Variants in PDZD2 observed in about 807,000 individuals in gnomAD.
PDZD2 encodes the protein PDZ domain containing 2, also known as PDZ domain-containing protein 2.
A neutral mutation model predicts 220.7 loss-of-function variants in PDZD2; 90 were observed. The ratio of observed to expected loss-of-function variants is 0.41; its 90% confidence interval spans 0.34 to 0.49. The LOEUF (loss-of-function observed/expected upper bound fraction) is 0.49, where lower values mean the gene tolerates loss of function less well. Ranked by LOEUF, PDZD2 falls within the 20% of genes least tolerant of loss-of-function variation. The pLI is 0.28. For synonymous variants in PDZD2, 1,375 were observed against 1,450.5 expected (o/e 0.95, Z 1.18); for missense variants, 3,174 against 3,608.5 (o/e 0.88, Z 3.08).
chr5:31,947,542 A>G (rs896953222), intron 2 of PDZD2, among the ~76,000 whole-genome samples: 1 of 152,238 alleles, frequency 6.6e-6, no homozygotes, highest in African/African-American at 2.4e-5. Context: ...ATGAAAATCA[A>G]ATGAAACATA....
At chr5:31,913,073 G>A (rs1743346880) in intron 2 of PDZD2, among the ~76,000 whole-genome samples, 1 of 152,182 alleles carries the variant, frequency 6.6e-6, no homozygotes, top group African/African-American at 2.4e-5. Flanking sequence ...CTGTTGATTA[G>A]AAGAATAGTA....
intron 2 of PDZD2, chr5:31,847,612 A>G (rs62360842): frequency 0.093 from 59,441 of 641,670 alleles, 3,194 homozygotes; most frequent in Middle Eastern, 0.12. Context: ...TGGCATGGGC[A>G]AGATCTAGGA....
intron 2 of PDZD2, among the ~76,000 whole-genome samples, chr5:31,972,192 C>T (rs1057502102): frequency 6.6e-6 from 1 of 152,330 alleles, no homozygotes; most frequent in East Asian, 1.9e-4. Context: ...TGGTTCACTA[C>T]AGCCTCTGCC....
intron 2 of PDZD2, among the ~76,000 whole-genome samples, chr5:31,956,648 A>G (rs1747726323): frequency 6.7e-6 from 1 of 149,636 alleles, no homozygotes; most frequent in Admixed American, 6.7e-5. Flanking sequence ...AGTCACAGCT[A>G]TTCGGGAGGC....
Position 32,088,771 on chromosome 5 carries a change from C to G in PDZD2, c.5323C>G (p.Leu1775Val), listed in dbSNP as rs948821631. The change falls in exon 20 of 25, where the codon CTC becomes GTC. Residue 1775 changes from leucine (L) to valine (V), a missense_variant. Physicochemically the swap from Leu to Val is conservative, Grantham distance 32. Around this residue, in one of 4 missense-constraint regions of PDZD2, gnomAD observed 1,861 missense variants for 2,001.0 expected, o/e 0.93. Transcript: ENST00000438447. The surrounding 1 kb of genome is among the most constrained non-coding windows in gnomAD (Gnocchi z 4.6). ...GAATGGAGAATCTGTTTTGGAAAAC[C>G]TCCACATCTCTGAAAGTCAAGACCT... ...PKNGESVLEN[L>V]HISESQDLDD... 2 of 1,613,944 alleles carry G rather than the reference C, an allele frequency of 1.2e-6. No individual in the cohort carries two copies. Among genetic ancestry groups the G allele is most frequent in the Non-Finnish European group, 1.7e-6 (2 of 1,179,896 alleles).
chr5:31,836,892 C>T (rs1039086898), intron 2 of PDZD2, among the ~76,000 whole-genome samples: 1 of 151,830 alleles, frequency 6.6e-6, no homozygotes, highest in Non-Finnish European at 1.5e-5. Context: ...ATGGTGGGTG[C>T]CTGTAATCCC....
chr5:31,685,483 T>C (rs1746817830), intron 1 of PDZD2, among the ~76,000 whole-genome samples: 1 of 152,210 alleles, frequency 6.6e-6, no homozygotes, highest in South Asian at 2.1e-4. Context: ...CAGCCCATGC[T>C]GCCTCGTCCG....
chr5:31,776,061 T>C (rs1248624739), intron 1 of PDZD2, among the ~76,000 whole-genome samples: 1 of 152,134 alleles, frequency 6.6e-6, no homozygotes, highest in Non-Finnish European at 1.5e-5. Flanking sequence ...AGAAGTCTGG[T>C]TTGGAGTCCT....
chr5:31,872,978 G>GA (rs560716623), intron 2 of PDZD2, among the ~76,000 whole-genome samples: 248 of 152,186 alleles, frequency 1.6e-3, no homozygotes, highest in Non-Finnish European at 2.4e-3. Context: ...TTTTCCATAT[G>GA]AAAAAATATA....
chr5:31,706,870 T>C (rs989827607), intron 1 of PDZD2, among the ~76,000 whole-genome samples: 3 of 150,148 alleles, frequency 2.0e-5, no homozygotes, highest in African/African-American at 7.3e-5. Flanking sequence ...AGCAATCCTG[T>C]CATTTCCTTC....
At chr5:31,701,732 C>T (rs1383858521) in intron 1 of PDZD2, among the ~76,000 whole-genome samples, 1 of 152,240 alleles carries the variant, frequency 6.6e-6, no homozygotes, top group Non-Finnish European at 1.5e-5. Flanking sequence ...CTCTGGTTTT[C>T]TCTCACATTC....
At chr5:31,939,987 G>T (rs183470507) in intron 2 of PDZD2, among the ~76,000 whole-genome samples, 1 of 152,204 alleles carries the variant, frequency 6.6e-6, no homozygotes, top group Non-Finnish European at 1.5e-5. Flanking sequence ...CAATAATTTC[G>T]TGGCTCAGTG....
chr5:31,716,056 T>G (rs1748425936), intron 1 of PDZD2, among the ~76,000 whole-genome samples: 1 of 152,316 alleles, frequency 6.6e-6, no homozygotes, highest in Non-Finnish European at 1.5e-5. Flanking sequence ...TCACAGTAGA[T>G]TAGGGACTGC....
At position 31,679,757 on chromosome 5, in the gene PDZD2, G is replaced by T. The variant is rs551834055; in HGVS notation, c.-361+40320G>T. On this transcript the variant is annotated intron_variant, in intron 1 of 24. Coordinates refer to ENST00000438447, the MANE Select transcript of PDZD2 (RefSeq NM_178140.4). ...ACTCCTGACCTCAAGTGATCTTCCA[G>T]CCTCAGCCTCCCAAAAGTGCTGGGA... is the stretch of plus-strand genomic sequence containing the variant. Among the ~76,000 whole-genome samples the T allele has an allele frequency of 4.9e-3, 753 of 152,206 alleles. 4 individuals are homozygous for T. The highest frequency in any genetic ancestry group is 8.3e-3 in the Non-Finnish European group (567 of 68,010).
chr5:32,071,525 T>G, intron 16 of PDZD2, 107 bp downstream of exon 16: 3 of 832,884 alleles, frequency 3.6e-6, no homozygotes, highest in Non-Finnish European at 6.2e-6. Flanking sequence ...TGCCCATGAG[T>G]CATTTTTGCC....
chr5:32,099,027 C>T (rs1285784785), intron 23 of PDZD2: 1 of 162,648 alleles, frequency 6.1e-6, no homozygotes. Flanking sequence ...TGGGAAACAG[C>T]AAGGTTGTAT....
intron 3 of PDZD2, among the ~76,000 whole-genome samples, chr5:31,994,733 T>G (rs1751499637): frequency 6.6e-6 from 1 of 151,892 alleles, no homozygotes; most frequent in Non-Finnish European, 1.5e-5. Flanking sequence ...GTGATCCACC[T>G]GCCTCGGCCT....
At chr5:31,885,151 C>G (rs1448408770) in intron 2 of PDZD2, among the ~76,000 whole-genome samples, 1 of 100,686 alleles carries the variant, frequency 9.9e-6, no homozygotes, top group Non-Finnish European at 2.0e-5. Flanking sequence ...AGAAAAAGTG[C>G]AAACGGCAAA....
Position 32,006,907 on chromosome 5 carries a change from C to CTTTT in PDZD2, c.1255-3400_1255-3397dup, listed in dbSNP as rs1173189592. ...ATTTCACTATGTTAGCCATGCTGGT[C>CTTTT]TTTTTTTTTTTTTTTTTTTTTTTTT... On this transcript the variant is annotated intron_variant, in intron 5 of 24. Coordinates refer to ENST00000438447, the MANE Select transcript of PDZD2 (RefSeq NM_178140.4). Among the ~76,000 whole-genome samples, 11 of 47,852 alleles carry CTTTT rather than the reference C, an allele frequency of 2.3e-4. 2 individuals are homozygous for CTTTT. Among genetic ancestry groups the CTTTT allele is most frequent in the South Asian group, 1.2e-3 (1 of 826 alleles). The allele number at this position is 47,852 out of a possible 152,430, so 31.4% of individuals were successfully genotyped here.
Sources: gnomAD v4.1 joint callset for allele counts (sites outside exome capture counted in the v4.1 genomes callset) on GRCh38, gnomAD v4.1.1 for gene constraint, gnomAD v4.1.1 regional missense constraint, Gnocchi (gnomAD v3.1) non-coding constraint, MANE v1.5 for transcripts, NCBI Gene and HGNC (gene_info 2026-07-23, HGNC 2026-07-21) for gene names.